The following PDE8A variants were observed in gnomAD, a reference collection of about 807,000 sequenced individuals.
The protein encoded by PDE8A is high affinity cAMP-specific and IBMX-insensitive 3',5'-cyclic phosphodiesterase 8A.
PDE8A carries 59 observed loss-of-function variants against 105.0 expected under a neutral mutation model. The observed-to-expected ratio is 0.56, with a 90% CI of 0.46 to 0.70. The LOEUF (loss-of-function observed/expected upper bound fraction) is 0.70, where lower values mean the gene tolerates loss of function less well. Among genes scored for constraint, PDE8A ranks in the 30% least tolerant of loss-of-function variants. The pLI is 0.00. For synonymous variants in PDE8A, 355 were observed against 371.9 expected (o/e 0.95, Z 0.52); for missense variants, 1,014 against 1,045.9 (o/e 0.97, Z 0.42).
chr15:85,081,420 A>G (rs750718003), intron 5 of PDE8A, among the ~76,000 whole-genome samples: 1 of 152,164 alleles, frequency 6.6e-6, no homozygotes, highest in Non-Finnish European at 1.5e-5. Flanking sequence ...TAATTCTAAT[A>G]TGCAGCTGAG....
intron 20 of PDE8A, among the ~76,000 whole-genome samples, chr15:85,135,000 G>T (rs570274834): frequency 1.3e-5 from 2 of 152,186 alleles, no homozygotes; most frequent in African/African-American, 2.4e-5. Context: ...AGCTGCGGTG[G>T]GGGGAGAGAG....
chr15:85,017,271 A>T lies in PDE8A; in HGVS notation c.186+34923A>T, dbSNP rs868477333. 7.7e-3 allele frequency among the ~76,000 whole-genome samples: 1,166 copies of T among 152,170 alleles called. 14 individuals carry two copies. Among genetic ancestry groups the T allele is most frequent in the South Asian group, 0.022 (104 of 4,828 alleles). ...CGACAGAGCGAGACTCCAAAAAAAA[A>T]AAAAATAAATAAATGAAGCCTGTTG... On this transcript the variant is annotated intron_variant, in intron 1 of 21. Transcript: ENST00000394553.
At chr15:85,109,296 A>G (rs899034111) in intron 12 of PDE8A, among the ~76,000 whole-genome samples, 166 bp downstream of exon 12, 1 of 152,210 alleles carries the variant, frequency 6.6e-6, no homozygotes, top group East Asian at 1.9e-4. Context: ...GACTCCTGCC[A>G]ATGGGCTCCA....
At chr15:85,095,596 G>A (rs749366501) in intron 8 of PDE8A, among the ~76,000 whole-genome samples, 12 of 151,952 alleles carry the variant, frequency 7.9e-5, no homozygotes, top group Non-Finnish European at 1.3e-4. Flanking sequence ...TGCCTGCCTC[G>A]GCCTCCAGAA....
intron 3 of PDE8A, among the ~76,000 whole-genome samples, chr15:85,075,285 T>G (rs1158821132): frequency 6.6e-6 from 1 of 152,216 alleles, no homozygotes; most frequent in Non-Finnish European, 1.5e-5. Flanking sequence ...AGTCCTCTGT[T>G]CTTAACCTTT....
At chr15:85,099,484 G>A (rs1263853124) in intron 9 of PDE8A, among the ~76,000 whole-genome samples, 1 of 152,110 alleles carries the variant, frequency 6.6e-6, no homozygotes, top group Non-Finnish European at 1.5e-5. Flanking sequence ...TTATCAAGGG[G>A]AAAAAGTGAA....
At chr15:85,091,395 G>A (rs2081641524) in intron 8 of PDE8A, among the ~76,000 whole-genome samples, 3 of 152,204 alleles carry the variant, frequency 2.0e-5, no homozygotes, top group Non-Finnish European at 4.4e-5. Flanking sequence ...AAAGTAACTT[G>A]AATTGACACT....
intron 20 of PDE8A, among the ~76,000 whole-genome samples, chr15:85,127,471 A>C (rs1460818059): frequency 6.6e-6 from 1 of 152,238 alleles, no homozygotes; most frequent in Non-Finnish European, 1.5e-5. Flanking sequence ...TTGATTTACC[A>C]ATGTCATAGG....
At chr15:85,137,480 C>T (rs1039362604) in intron 21 of PDE8A, among the ~76,000 whole-genome samples, 1 of 152,168 alleles carries the variant, frequency 6.6e-6, no homozygotes, top group Non-Finnish European at 1.5e-5. Context: ...CAGGGGCACA[C>T]TACATACTGC....
intron 8 of PDE8A, among the ~76,000 whole-genome samples, chr15:85,092,530 C>T (rs2081663176): frequency 1.3e-5 from 2 of 152,064 alleles, no homozygotes; most frequent in Non-Finnish European, 2.9e-5. Context: ...ACCACAGCAG[C>T]CATGGTGGGG....
intron 1 of PDE8A, among the ~76,000 whole-genome samples, chr15:84,999,372 C>T (rs189394964): frequency 1.3e-5 from 2 of 152,164 alleles, no homozygotes; most frequent in African/African-American, 4.8e-5. Context: ...ATCTGCCTGC[C>T]TCGGCCTCCC....
At chr15:85,131,695 A>G (rs183481046) in intron 20 of PDE8A, among the ~76,000 whole-genome samples, 2 of 152,342 alleles carry the variant, frequency 1.3e-5, no homozygotes, top group East Asian at 3.9e-4. Flanking sequence ...ATTTACCATT[A>G]TCAGAGATCT....
At chr15:84,984,868 A>C (rs774954304) in intron 1 of PDE8A, among the ~76,000 whole-genome samples, 1 of 152,068 alleles carries the variant, frequency 6.6e-6, no homozygotes, top group African/African-American at 2.4e-5. Flanking sequence ...CAGAGTTTGG[A>C]TTTTCAGATT....
intron 1 of PDE8A, among the ~76,000 whole-genome samples, chr15:85,050,415 C>T (rs142693931): frequency 5.9e-5 from 9 of 152,054 alleles, no homozygotes; most frequent in African/African-American, 9.6e-5. Flanking sequence ...AAGATTTTGC[C>T]CTATATTCTC....
chr15:85,119,481 A>C (rs983860854), intron 17 of PDE8A, among the ~76,000 whole-genome samples: 1 of 150,338 alleles, frequency 6.7e-6, no homozygotes, highest in African/African-American at 2.4e-5. Context: ...AAAAAAAAAA[A>C]CATTTATTGA....
At chr15:85,131,341 T>A (rs1368195078) in intron 20 of PDE8A, among the ~76,000 whole-genome samples, 1 of 152,180 alleles carries the variant, frequency 6.6e-6, no homozygotes, top group Non-Finnish European at 1.5e-5. Context: ...GTCTTACAGC[T>A]TTTTTGTCCC....
chr15:85,097,322 G>A (rs2081772314), intron 8 of PDE8A, among the ~76,000 whole-genome samples: 1 of 152,188 alleles, frequency 6.6e-6, no homozygotes, highest in Non-Finnish European at 1.5e-5. Flanking sequence ...TCCCCAGGCT[G>A]CACTTCCTGT....
chr15:85,031,997 C>T (rs1263602732), intron 1 of PDE8A, among the ~76,000 whole-genome samples: 1 of 152,170 alleles, frequency 6.6e-6, no homozygotes, highest in Non-Finnish European at 1.5e-5. Context: ...AGTGCTTTGT[C>T]ATGTAGAGGT....
At chr15:85,133,970 A>C (rs2082365513) in intron 20 of PDE8A, among the ~76,000 whole-genome samples, 1 of 152,098 alleles carries the variant, frequency 6.6e-6, no homozygotes, top group South Asian at 2.1e-4. Flanking sequence ...ACAGCGGTGA[A>C]ATGTGAAACT....
Sources: gnomAD v4.1 joint callset for allele counts (sites outside exome capture counted in the v4.1 genomes callset) on GRCh38, gnomAD v4.1.1 for gene constraint, MANE v1.5 for transcripts, NCBI Gene and HGNC (gene_info 2026-07-23, HGNC 2026-07-21) for gene names.